The following ZNF503 variants were observed in gnomAD, a reference collection of about 807,000 sequenced individuals.
The protein encoded by ZNF503 is zinc finger protein 503, also known as NocA-like zinc finger 2.
A neutral mutation model predicts 34.4 loss-of-function variants in ZNF503; 15 were observed. The ratio of observed to expected loss-of-function variants is 0.44; its 90% CI spans 0.29 to 0.67. The LOEUF (loss-of-function observed/expected upper bound fraction) is 0.67. Among genes scored for constraint, ZNF503 ranks in the 30% least tolerant of loss-of-function variants. The probability of loss-of-function intolerance (pLI) is 0.13; values close to 1 mark genes in which losing one functional copy is unlikely to be tolerated. For missense variants in ZNF503, 1,007 were observed against 926.8 expected (o/e 1.09, Z -1.12); for synonymous variants, 580 against 456.8 (o/e 1.27, Z -3.44).
chr10:75,359,011 CT>C, the ZNF503 span: 3 of 152,218 alleles, frequency 2.0e-5, no homozygotes, highest in Admixed American at 6.5e-5. Flanking sequence ...TATCATACAG[CT>C]ATTATTTTCG....
In ZNF503 at chr10:75,399,705, A is replaced by C; in HGVS notation, c.985T>G (p.Ser329Ala). Residue 329 changes from serine (S) to alanine (A), a missense_variant, in exon 2 of 2, where the codon TCC (serine) becomes GCC (alanine). By Grantham distance (99) the Ser-to-Ala change is moderately conservative. Coordinates refer to ENST00000372524, the MANE Select transcript of ZNF503 (RefSeq NM_032772.6). ...SGSGPSAPTS[S>A]SVLGSGLVAP... ...ACCAGCCCAGAGCCCAACACTGAGG[A>C]GGAGGTGGGCGCGCTGGGGCCGGAG... is the stretch of plus-strand genomic sequence containing the variant. 2 of 1,600,024 alleles carry C rather than the reference A, an allele frequency of 1.2e-6. No individual in the cohort carries two copies. The highest frequency in any genetic ancestry group is 1.1e-5 in the South Asian group (1 of 90,688).
In ZNF503 at chr10:75,399,084, G is replaced by A; in HGVS notation, c.1606C>T (p.Leu536=). Residue 536 remains leucine, a synonymous_variant, in exon 2 of 2, where the codon CTG becomes TTG. Transcript: ENST00000372524. The part of the protein sequence containing the change: ...DKRFATSEEL[L]SHLRTHTAFP... ...GCCGTATGGGTCCGCAAGTGGCTCA[G>A]CAGCTCTTCGGACGTGGCGAAGCGC... The A allele has an allele frequency of 6.2e-7, 1 of 1,613,680 alleles. No individual in the cohort carries two copies. Among genetic ancestry groups the A allele is most frequent in the Non-Finnish European group, 8.5e-7 (1 of 1,179,842 alleles).
At chr10:75,361,613 TC>T in the ZNF503 span, 1 of 152,152 alleles carries the variant, frequency 6.6e-6, no homozygotes, top group Non-Finnish European at 1.5e-5. Flanking sequence ...AAAAAAAAAA[TC>T]CTACAAGGAA....
the ZNF503 span, among the ~76,000 whole-genome samples, chr10:75,309,126 G>A: frequency 6.6e-6 from 1 of 152,190 alleles, no homozygotes; most frequent in South Asian, 2.1e-4. Context: ...ACAGGCATGA[G>A]CCACCATGCC....
chr10:75,295,258 C>T, the ZNF503 span, among the ~76,000 whole-genome samples: 2 of 151,844 alleles, frequency 1.3e-5, no homozygotes, highest in Non-Finnish European at 2.9e-5. This position sits in a 1 kb window ranked among gnomAD's most constrained non-coding sequence, Gnocchi z 4.0. Flanking sequence ...GGCGCGCCCC[C>T]TCATGGGCCC....
the ZNF503 span, among the ~76,000 whole-genome samples, chr10:75,294,612 C>T: frequency 6.6e-6 from 1 of 152,122 alleles, no homozygotes; most frequent in Non-Finnish European, 1.5e-5. Flanking sequence ...GTGGCCCAGA[C>T]CTCACTTGAC....
At chr10:75,319,371 G>C in the ZNF503 span, among the ~76,000 whole-genome samples, 2 of 152,128 alleles carry the variant, frequency 1.3e-5, no homozygotes, top group South Asian at 4.1e-4. Context: ...GAGAGAAAAG[G>C]AACATAAAGG....
At chr10:75,365,619 C>T in the ZNF503 span, among the ~76,000 whole-genome samples, 1 of 152,210 alleles carries the variant, frequency 6.6e-6, no homozygotes, top group Non-Finnish European at 1.5e-5. Context: ...TGCCTGAGTT[C>T]ATGTCCTAGC....
chr10:75,399,205 C>A lies in ZNF503; in HGVS notation c.1485G>T (p.Leu495=). ...AAAAGATPPS[L]AGHPLYPYGF... The stretch of plus-strand genomic sequence containing the variant: ...CGTAGGGGTAGAGGGGGTGGCCGGC[C>A]AGGGAGGGCGGTGTGGCGCCAGCAG... Residue 495 remains leucine (L), a synonymous_variant, in exon 2 of 2, where the codon CTG becomes CTT. Coordinates refer to ENST00000372524, the MANE Select transcript of ZNF503 (RefSeq NM_032772.6). 1 of 1,597,540 alleles carries A rather than the reference C, an allele frequency of 6.3e-7. No individual in the cohort carries two copies. Among genetic ancestry groups the A allele is most frequent in the Non-Finnish European group, 8.5e-7 (1 of 1,170,508 alleles).
the ZNF503 span, among the ~76,000 whole-genome samples, chr10:75,306,826 G>A: frequency 6.6e-6 from 1 of 152,124 alleles, no homozygotes; most frequent in South Asian, 2.1e-4. Context: ...TATTGTAATT[G>A]TTTTAGGCAC....
the ZNF503 span, among the ~76,000 whole-genome samples, chr10:75,294,376 G>T: frequency 5.3e-5 from 8 of 152,216 alleles, no homozygotes; most frequent in Non-Finnish European, 1.2e-4. Context: ...GCCCAAAGAA[G>T]AGGGCGGACG....
At chr10:75,400,854 T>C in intron 1 of ZNF503, 1 of 613,234 alleles carries the variant, frequency 1.6e-6, no homozygotes, top group East Asian at 2.9e-5. Context: ...GGGGCCTGGG[T>C]CGGGGTAGGG....
the ZNF503 span, among the ~76,000 whole-genome samples, chr10:75,315,424 T>C: frequency 6.6e-6 from 1 of 152,208 alleles, no homozygotes; most frequent in Non-Finnish European, 1.5e-5. Context: ...TATAAAAAGA[T>C]GTAAATTGTG....
the ZNF503 span, among the ~76,000 whole-genome samples, chr10:75,379,986 G>A: frequency 6.6e-6 from 1 of 152,186 alleles, no homozygotes; most frequent in Admixed American, 6.5e-5. Flanking sequence ...AGCACCTCTG[G>A]GTGGGAAGTG....
At chr10:75,280,599 A>T in the ZNF503 span, among the ~76,000 whole-genome samples, 17 of 149,534 alleles carry the variant, frequency 1.1e-4, no homozygotes, top group South Asian at 4.4e-4. Context: ...TATGGGAAAC[A>T]CTGTGTTTTC....
At position 75,400,093 on chromosome 10, in the gene ZNF503, CCCGCCA is replaced by C. The variant is rs745636128; in HGVS notation, c.591_596del (p.Gly203_Gly204del). On this transcript the variant is annotated inframe_deletion, in exon 2 of 2. Transcript: ENST00000372524. The stretch of plus-strand genomic sequence containing the variant: ...CCGACGAAACACCCCCGCCGCCGCC[CCCGCCA>C]CCGCCACCGCCTCCACCGCCGCCTC... 21 of 1,545,646 alleles carry C rather than the reference CCCGCCA, an allele frequency of 1.4e-5. No individual in the cohort carries two copies. Among genetic ancestry groups the C allele is most frequent in the Non-Finnish European group, 1.6e-5 (18 of 1,146,262 alleles).
At chr10:75,354,872 G>A in the ZNF503 span, among the ~76,000 whole-genome samples, 1 of 152,050 alleles carries the variant, frequency 6.6e-6, no homozygotes, top group African/African-American at 2.4e-5. Context: ...TTGAGATGGA[G>A]TCTCACTCTA....
the ZNF503 span, among the ~76,000 whole-genome samples, chr10:75,288,918 G>A: frequency 5.4e-3 from 816 of 152,232 alleles, 12 homozygotes; most frequent in African/African-American, 0.019. Context: ...GGGACCAGGC[G>A]CTTGGTTGAG....
At chr10:75,300,285 A>G in the ZNF503 span, among the ~76,000 whole-genome samples, 43 of 152,350 alleles carry the variant, frequency 2.8e-4, no homozygotes, top group South Asian at 7.5e-3. Flanking sequence ...TATCTCTCTT[A>G]TTCCCTGAAC....
Sources: gnomAD v4.1 joint callset for allele counts (sites outside exome capture counted in the v4.1 genomes callset) on GRCh38, gnomAD v4.1.1 for gene constraint, Gnocchi (gnomAD v3.1) non-coding constraint, MANE v1.5 for transcripts, NCBI Gene and HGNC (gene_info 2026-07-23, HGNC 2026-07-21) for gene names.